The following ARHGAP8 variants were observed in gnomAD, a reference collection of about 807,000 sequenced individuals.
ARHGAP8 encodes rho GTPase-activating protein 8.
Under a neutral mutation model 46.1 loss-of-function variants are expected in ARHGAP8, and 62 were observed. The ratio of observed to expected loss-of-function variants is 1.34; its 90% CI spans 1.10 to 1.66. The LOEUF (loss-of-function observed/expected upper bound fraction) is 1.66. ARHGAP8 is among the 40% of genes most tolerant of loss of function. ARHGAP8 has a pLI of 0.00. For missense variants in ARHGAP8, 923 were observed against 568.4 expected, an observed-to-expected ratio of 1.62 and a Z score of -6.34; for synonymous variants, 375 against 243.1, an observed-to-expected ratio of 1.54 and a Z score of -5.05.
chr22:44,798,114 C>G (rs987642841), intron 2 of ARHGAP8, among the ~76,000 whole-genome samples: 1 of 151,700 alleles, frequency 6.6e-6, no homozygotes, highest in African/African-American at 2.4e-5. Flanking sequence ...GTAGCTGGGA[C>G]TACAGGCGTG....
intron 2 of ARHGAP8, among the ~76,000 whole-genome samples, chr22:44,788,496 C>T (rs1273457714): frequency 6.6e-6 from 1 of 151,918 alleles, no homozygotes; most frequent in African/African-American, 2.4e-5. Context: ...TGCAGCCTCA[C>T]CCTCCCAAGT....
intron 2 of ARHGAP8, among the ~76,000 whole-genome samples, chr22:44,799,989 G>GCCT (rs1928366163): frequency 9.6e-6 from 1 of 104,438 alleles, no homozygotes; most frequent in Non-Finnish European, 2.0e-5. Context: ...GGTGGGGCAA[G>GCCT]GTGGGGTTGG....
At chr22:44,859,350 C>G (rs1159277960) in intron 10 of ARHGAP8, among the ~76,000 whole-genome samples, 1 of 152,042 alleles carries the variant, frequency 6.6e-6, no homozygotes, top group Admixed American at 6.5e-5. Context: ...GCATGTGGCA[C>G]CTCTGTCCCA....
chr22:44,757,660 C>G (rs1019161789), intron 1 of ARHGAP8, among the ~76,000 whole-genome samples: 1 of 151,972 alleles, frequency 6.6e-6, no homozygotes, highest in African/African-American at 2.4e-5. Context: ...TGTTTTTGAC[C>G]TGGAGTCTCA....
At chr22:44,804,687 CAG>C (rs1390900836) in intron 3 of ARHGAP8, among the ~76,000 whole-genome samples, 2 of 152,110 alleles carry the variant, frequency 1.3e-5, no homozygotes, top group Non-Finnish European at 2.9e-5. Flanking sequence ...CCAAGGGACT[CAG>C]GGAGTGGGCT....
intron 1 of ARHGAP8, among the ~76,000 whole-genome samples, chr22:44,764,860 G>A (rs750435954): frequency 2.8e-4 from 42 of 152,324 alleles, no homozygotes; most frequent in Middle Eastern, 3.4e-3. Context: ...TCAACTGTAG[G>A]ACTGAGAGAG....
Position 44,859,830 on chromosome 22 carries a change from A to C in ARHGAP8, c.977A>C (p.His326Pro). The C allele has an allele frequency of 4.3e-6, 7 of 1,613,614 alleles. No homozygotes were observed. The highest frequency in any genetic ancestry group is 5.9e-6 in the Non-Finnish European group (7 of 1,179,818). ...VVLRYLMGFLHAVSRESIFNK... is the reference protein window; with the variant it reads ...VVLRYLMGFLPAVSRESIFNK... ...CTCCGCTACCTCATGGGCTTCCTGC[A>C]TGCGGTGAGTGGGGAAGGGGGGAGC... is the stretch of plus-strand genomic sequence containing the variant. Residue 326 changes from histidine to proline, a missense_variant, in exon 11 of 12, where the codon CAT becomes CCT. Transcript: ENST00000356099.
At chr22:44,843,588 G>A (rs1931788192) in intron 7 of ARHGAP8, among the ~76,000 whole-genome samples, 1 of 152,184 alleles carries the variant, frequency 6.6e-6, no homozygotes, top group African/African-American at 2.4e-5. Context: ...CAGGACTTTG[G>A]GAGGCCAAGG....
intron 7 of ARHGAP8, among the ~76,000 whole-genome samples, chr22:44,838,492 C>T (rs113891428): frequency 0.038 from 5,755 of 151,882 alleles, 173 homozygotes; most frequent in African/African-American, 0.081. Context: ...CAGGCTGGTC[C>T]GGAATTCCTG....
chr22:44,761,000 C>A (rs550711839), intron 1 of ARHGAP8, among the ~76,000 whole-genome samples: 2 of 152,274 alleles, frequency 1.3e-5, no homozygotes, highest in African/African-American at 4.8e-5. Context: ...GCTCTGAAGC[C>A]CACTGGCCAG....
intron 11 of ARHGAP8, 102 bp from the exon 12 acceptor site, chr22:44,862,173 C>G (rs8139133): frequency 1.1e-4 from 158 of 1,405,688 alleles, no homozygotes; most frequent in Non-Finnish European, 1.4e-4. Context: ...GTCCAGTGCT[C>G]CTCTCACTAC....
chr22:44,799,526 G>A (rs1459903248), intron 2 of ARHGAP8, among the ~76,000 whole-genome samples: 2 of 152,132 alleles, frequency 1.3e-5, no homozygotes, highest in East Asian at 3.9e-4. Flanking sequence ...AGGCTGCTGG[G>A]CCAGGTCCTC....
At chr22:44,822,318 G>A (rs573321756) in intron 5 of ARHGAP8, 53 bp from the exon 6 acceptor site, 103 of 1,500,796 alleles carry the variant, frequency 6.9e-5, no homozygotes, top group Middle Eastern at 6.9e-4. Flanking sequence ...GCAACCCTCG[G>A]CCTCTCTGCT....
At chr22:44,792,987 C>G (rs35814633) in intron 2 of ARHGAP8, among the ~76,000 whole-genome samples, 56,529 of 151,672 alleles carry the variant, frequency 0.37, 10,735 homozygotes, top group South Asian at 0.53. Flanking sequence ...CCATGCCCAG[C>G]TAATTTTTGT....
intron 9 of ARHGAP8, 73 bp downstream of exon 9, chr22:44,848,123 G>T: frequency 6.4e-7 from 1 of 1,571,160 alleles, no homozygotes; most frequent in Non-Finnish European, 8.6e-7. Context: ...CCTCAGAGCG[G>T]AGGCAGGGAA....
intron 1 of ARHGAP8, among the ~76,000 whole-genome samples, chr22:44,764,668 G>A (rs904434567): frequency 6.6e-6 from 1 of 152,166 alleles, no homozygotes; most frequent in Admixed American, 6.5e-5. Flanking sequence ...GTCAGTTGAC[G>A]ACACAAGATG....
At chr22:44,820,732 A>G (rs1478048290) in intron 5 of ARHGAP8, among the ~76,000 whole-genome samples, 3 of 152,058 alleles carry the variant, frequency 2.0e-5, no homozygotes, top group East Asian at 1.9e-4. Flanking sequence ...GTCCTTGAAT[A>G]CAGAAACCTG....
intron 1 of ARHGAP8, 96 bp downstream of exon 1, chr22:44,752,723 C>T (rs1924333659): frequency 6.6e-6 from 1 of 150,888 alleles, no homozygotes; most frequent in Non-Finnish European, 1.5e-5. Context: ...TGTACGGGGA[C>T]AAGGGGCCGC....
At chr22:44,835,231 C>CTATATATATATATATA (rs71188491) in intron 7 of ARHGAP8, among the ~76,000 whole-genome samples, 7 of 146,880 alleles carry the variant, frequency 4.8e-5, no homozygotes, top group Admixed American at 1.4e-4. Flanking sequence ...GTTTCTTTTG[C>CTATATATATATATATA]TATATATATA....
Sources: allele counts gnomAD v4.1 joint callset (sites outside exome capture counted in the v4.1 genomes callset), GRCh38; gene constraint gnomAD v4.1.1; transcripts MANE v1.5; gene names NCBI Gene and HGNC (gene_info 2026-07-23, HGNC 2026-07-21).